MPP2: variants seen among roughly 807,000 people sequenced by gnomAD.
MPP2 encodes MAGUK p55 subfamily member 2.
Under a neutral mutation model 58.5 loss-of-function variants are expected in MPP2, and 42 were observed. The observed-to-expected ratio is 0.72, with a 90% CI of 0.56 to 0.93. The LOEUF (loss-of-function observed/expected upper bound fraction) is 0.93, where lower values mean the gene tolerates loss of function less well. Among genes scored for constraint, MPP2 ranks in the 40% least tolerant of loss-of-function variants. MPP2 has a pLI of 0.00. For missense variants in MPP2, 632 were observed against 760.4 expected (o/e 0.83, Z 1.99); for synonymous variants, 300 against 307.8 (o/e 0.97, Z 0.26).
chr17:43,901,212 G>T, intron 2 of MPP2: 3 of 972,714 alleles, frequency 3.1e-6, no homozygotes, highest in Non-Finnish European at 3.7e-6. Flanking sequence ...CCCTTGGTCA[G>T]CCACTGGGAG....
chr17:43,899,217 A>AG (rs2047982448), intron 2 of MPP2, among the ~76,000 whole-genome samples: 1 of 151,642 alleles, frequency 6.6e-6, no homozygotes, highest in Non-Finnish European at 1.5e-5. Context: ...ATTGCCCTCC[A>AG]TCCTGGGCGA....
chr17:43,903,285 A>G (rs933409825), intron 2 of MPP2, among the ~76,000 whole-genome samples: 11 of 152,076 alleles, frequency 7.2e-5, no homozygotes, highest in Admixed American at 5.9e-4. Context: ...CAAAAAAAAA[A>G]AAAAAGAAAA....
At chr17:43,900,906 C>A (rs999162802) in intron 2 of MPP2, among the ~76,000 whole-genome samples, 1 of 152,080 alleles carries the variant, frequency 6.6e-6, no homozygotes, top group Non-Finnish European at 1.5e-5. Flanking sequence ...AAGACTGGCG[C>A]GGTACTCCGA....
In MPP2 at chr17:43,883,011, A is replaced by G. The variant is rs2047208247; in HGVS notation, c.345T>C (p.Tyr115=). The change falls in exon 5 of 13, where the codon TAT becomes TAC. Residue 115 remains tyrosine, a synonymous_variant. Coordinates refer to ENST00000269095, the MANE Select transcript of MPP2 (RefSeq NM_005374.5). ...ETHDSVASKT[Y]ETPPPSPGLD... The stretch of plus-strand genomic sequence containing the variant: ...GGCCAGGGCTGGGGGGTGGTGTCTC[A>G]TAGGTCTTTGAGGCCACAGAGTCGT... The G allele has an allele frequency of 6.2e-7, 1 of 1,609,838 alleles. No individual in the cohort carries two copies.
intron 4 of MPP2, 62 bp downstream of exon 4, chr17:43,883,141 C>T: frequency 6.4e-7 from 1 of 1,556,500 alleles, no homozygotes; most frequent in African/African-American, 1.4e-5. Flanking sequence ...GCCCATCCAA[C>T]AGCAGCATGC....
At chr17:43,891,463 C>T (rs1597788797) in intron 3 of MPP2, among the ~76,000 whole-genome samples, 2 of 151,450 alleles carry the variant, frequency 1.3e-5, no homozygotes, top group South Asian at 2.1e-4. Context: ...TGCAGTGAGC[C>T]GAGATTGCAC....
rs1013463294 is a variant in MPP2, at chr17:43,899,102, C to T, written c.32-722G>A. Among the ~76,000 whole-genome samples the T allele has an allele frequency of 3.9e-5, 6 of 152,144 alleles. No individual in the cohort carries two copies. In the East Asian group the frequency reaches 1.2e-3, roughly 29 times the overall value. On this transcript the variant is annotated intron_variant, in intron 2 of 12. Coordinates refer to ENST00000269095, the MANE Select transcript of MPP2 (RefSeq NM_005374.5). ...CTCTACTAAAAATACAAAAAATTAG[C>T]TGGGCGTAGTGGCAGGCGCCTGTAA...
intron 2 of MPP2, chr17:43,900,396 A>G (rs1597807984): frequency 2.0e-6 from 3 of 1,510,636 alleles, no homozygotes; most frequent in Non-Finnish European, 2.7e-6. Flanking sequence ...CCCTCCCCAG[A>G]TGCCCCGACT....
chr17:43,882,900 C>T lies in MPP2; in HGVS notation c.453+3G>A. 6 of 1,614,058 alleles carry T rather than the reference C, an allele frequency of 3.7e-6. No homozygotes were observed. Among genetic ancestry groups the T allele is most frequent in the Middle Eastern group, 1.7e-4 (1 of 5,972 alleles). On this transcript the variant is annotated splice_donor_region_variant and intron_variant, in intron 5 of 12. Transcript: ENST00000269095. ...ACCACCTCTGGCCCTGCCCAGTCCT[C>T]ACCAGATGTTCTCCGGCTGTCTTGC...
chr17:43,894,716 T>C (rs1331668281), intron 3 of MPP2, among the ~76,000 whole-genome samples: 1 of 150,550 alleles, frequency 6.6e-6, no homozygotes, highest in East Asian at 1.9e-4. Flanking sequence ...AGAGGATTAC[T>C]TGAGGCCAGG....
chr17:43,891,119 G>A (rs992097273), intron 3 of MPP2, among the ~76,000 whole-genome samples: 1 of 152,102 alleles, frequency 6.6e-6, no homozygotes, highest in African/African-American at 2.4e-5. Context: ...TTCTTCTAGG[G>A]CCCTGTCTTG....
At chr17:43,906,684 C>G (rs1021056887) in intron 1 of MPP2, among the ~76,000 whole-genome samples, 2 of 152,144 alleles carry the variant, frequency 1.3e-5, no homozygotes, top group Non-Finnish European at 2.9e-5. Context: ...CTTGGACCAT[C>G]AGATCACCCC....
rs1384153196 is a variant in MPP2, at chr17:43,883,306, T to C, written c.200A>G (p.Asn67Ser). ...ETKLEAVRDNNLELVQEILRD... is the reference protein window; with the variant it reads ...ETKLEAVRDNSLELVQEILRD... ...CAGGATCTCCTGCACCAGCTCCAGG[T>C]TGTTGTCTCTCACGGCCTCCAGCTT... Residue 67 changes from asparagine to serine, a missense_variant, in exon 4 of 13, where the codon AAC (asparagine) becomes AGC (serine). Physicochemically the swap from Asn to Ser is conservative, Grantham distance 46. Coordinates refer to ENST00000269095, the MANE Select transcript of MPP2 (RefSeq NM_005374.5). The C allele has an allele frequency of 6.2e-7, 1 of 1,612,994 alleles. No individual in the cohort carries two copies. Among genetic ancestry groups the C allele is most frequent in the African/African-American group, 1.3e-5 (1 of 74,858 alleles).
chr17:43,877,723 T>C lies in MPP2; in HGVS notation c.*84A>G. 1.7e-6 allele frequency: 2 copies of C among 1,204,194 alleles called. No individual in the cohort carries two copies. The highest frequency in any genetic ancestry group is 2.7e-5 in the South Asian group (2 of 74,448). The allele number at this position is 1,204,194 out of a possible 1,614,324, so 74.6% of individuals were successfully genotyped here. A position where few individuals can be genotyped will look rare whatever the true frequency, so the allele number is the denominator to read the frequency against. ...AGCCAGATATGGGGGCTAAGGATTGTGGCAGGGGGTCACAGGTCAGGAGGG... is the reference window on the plus strand; with the variant it reads ...AGCCAGATATGGGGGCTAAGGATTGCGGCAGGGGGTCACAGGTCAGGAGGG... On this transcript the variant is annotated 3_prime_UTR_variant, in exon 13 of 13. Transcript: ENST00000269095.
intron 3 of MPP2, among the ~76,000 whole-genome samples, chr17:43,894,467 A>C: frequency 7.5e-6 from 1 of 133,914 alleles, no homozygotes. Flanking sequence ...ACACACAAAA[A>C]TTAGCCGGGC....
At chr17:43,904,978 C>G (rs1731904) in intron 1 of MPP2, among the ~76,000 whole-genome samples, 59,416 of 151,684 alleles carry the variant, frequency 0.39, 13,104 homozygotes, top group Middle Eastern at 0.53. Context: ...GAGTTTGAGA[C>G]CCACCTGGGC....
chr17:43,886,630 A>C (rs1170350700), intron 3 of MPP2, among the ~76,000 whole-genome samples: 1 of 152,046 alleles, frequency 6.6e-6, no homozygotes, highest in African/African-American at 2.4e-5. Context: ...TACATACGTA[A>C]TTTTCTTAGA....
At chr17:43,899,710 T>C (rs2048007352) in intron 2 of MPP2, among the ~76,000 whole-genome samples, 1 of 152,000 alleles carries the variant, frequency 6.6e-6, no homozygotes, top group Non-Finnish European at 1.5e-5. Context: ...ATCACAGGGA[T>C]AAGCAAACTC....
At position 43,900,509 on chromosome 17, in the gene MPP2, G is replaced by C. The variant is rs149791694; in HGVS notation, c.32-2129C>G. Reference sequence around the variant, plus strand: ...CTCCGCTTCCTCAGAAGACTCCAGGGATATACCCTCCAAGGAGACCCCGCT... The same window carrying C: ...CTCCGCTTCCTCAGAAGACTCCAGGCATATACCCTCCAAGGAGACCCCGCT... On this transcript the variant is annotated intron_variant, in intron 2 of 12. Coordinates refer to ENST00000269095, the MANE Select transcript of MPP2 (RefSeq NM_005374.5). 3.3e-4 allele frequency: 512 copies of C among 1,549,442 alleles called. 4 individuals are homozygous for C. In the East Asian group the frequency reaches 0.011, roughly 32 times the overall value.
Sources: allele counts gnomAD v4.1 joint callset (sites outside exome capture counted in the v4.1 genomes callset), GRCh38; gene constraint gnomAD v4.1.1; transcripts MANE v1.5; gene names NCBI Gene and HGNC (gene_info 2026-07-23, HGNC 2026-07-21).